Variants in PGM5 observed in about 807,000 individuals in gnomAD.
PGM5 encodes phosphoglucomutase 5, also known as phosphoglucomutase-like protein 5.
In PGM5, 23 loss-of-function variants were observed where a neutral mutation model predicts 59.2. That is an observed-to-expected ratio of 0.39 (90% CI 0.28 to 0.55). PGM5 has a LOEUF of 0.55. PGM5 is among the 20% of genes least tolerant of loss of function. The pLI, the probability that PGM5 is intolerant of heterozygous loss-of-function variation, is 0.66. For synonymous variants in PGM5, 214 were observed against 286.0 expected (o/e 0.75, Z 2.54); for missense variants, 574 against 748.3 (o/e 0.77, Z 2.72).
chr9:68,416,815 A>C (rs418315), intron 6 of PGM5, among the ~76,000 whole-genome samples: 3 of 152,234 alleles, frequency 2.0e-5, no homozygotes, highest in Non-Finnish European at 4.4e-5. Flanking sequence ...CAAAGAGGTG[A>C]TTCTAGCTTT....
chr9:68,357,513 C>A (rs1302726605), intron 1 of PGM5, 125 bp downstream of exon 1: 1 of 1,488,568 alleles, frequency 6.7e-7, no homozygotes, highest in Non-Finnish European at 8.9e-7. Context: ...TGCTACCTCA[C>A]TCCCGCGTCC....
chr9:68,527,434 C>T (rs961937192), intron 10 of PGM5, among the ~76,000 whole-genome samples: 2 of 151,884 alleles, frequency 1.3e-5, no homozygotes, highest in Admixed American at 1.3e-4. Flanking sequence ...AATTACATAA[C>T]CAAAAAGGGG....
intron 7 of PGM5, among the ~76,000 whole-genome samples, chr9:68,474,394 C>A: frequency 6.6e-6 from 1 of 152,022 alleles, no homozygotes; most frequent in African/African-American, 2.4e-5. Context: ...ACTGGTGTTT[C>A]CATGTGAAGA....
At chr9:68,453,050 C>T (rs1024586239) in intron 6 of PGM5, among the ~76,000 whole-genome samples, 12 of 152,282 alleles carry the variant, frequency 7.9e-5, no homozygotes, top group South Asian at 2.1e-4. Context: ...AGCATTTTCC[C>T]ATGTGTGCTG....
intron 10 of PGM5, among the ~76,000 whole-genome samples, chr9:68,520,566 C>T (rs953116618): frequency 3.9e-5 from 6 of 151,958 alleles, no homozygotes; most frequent in Admixed American, 6.6e-5. Context: ...ACAGGGGACA[C>T]GTATAAAAAT....
intron 9 of PGM5, among the ~76,000 whole-genome samples, chr9:68,491,547 T>C (rs1285109920): frequency 6.6e-6 from 1 of 152,212 alleles, no homozygotes; most frequent in Admixed American, 6.5e-5. Flanking sequence ...ATAAAGACAG[T>C]CGGGCTCTGT....
At chr9:68,509,101 G>A (rs1824704102) in intron 10 of PGM5, among the ~76,000 whole-genome samples, 2 of 152,128 alleles carry the variant, frequency 1.3e-5, no homozygotes. Context: ...AGCTGTTAAG[G>A]GGAGAATGTG....
At chr9:68,366,932 C>A (rs1834690425) in intron 1 of PGM5, among the ~76,000 whole-genome samples, 1 of 152,148 alleles carries the variant, frequency 6.6e-6, no homozygotes. Flanking sequence ...GTCCCAGTAG[C>A]TTTACTAACC....
intron 10 of PGM5, among the ~76,000 whole-genome samples, chr9:68,512,371 G>T (rs1824763611): frequency 6.6e-6 from 1 of 152,230 alleles, no homozygotes; most frequent in Admixed American, 6.5e-5. Flanking sequence ...TTTGCTAGCT[G>T]TATTAGTTTG....
At chr9:68,432,196 T>A (rs1277139352) in intron 6 of PGM5, among the ~76,000 whole-genome samples, 1 of 151,864 alleles carries the variant, frequency 6.6e-6, no homozygotes, top group African/African-American at 2.4e-5. Context: ...TATTTGTTTT[T>A]ATTTTTTAAT....
At chr9:68,466,169 C>A (rs570751047) in intron 7 of PGM5, 2 of 1,300,004 alleles carry the variant, frequency 1.5e-6, no homozygotes, top group Non-Finnish European at 2.0e-6. Context: ...CAGTTTAGAT[C>A]GTCTCTATTG....
intron 2 of PGM5, among the ~76,000 whole-genome samples, chr9:68,383,065 G>A (rs1822117142): frequency 6.6e-6 from 1 of 151,740 alleles, no homozygotes; most frequent in Non-Finnish European, 1.5e-5. Flanking sequence ...GTGAAGAAAA[G>A]GGCTATGTTT....
Position 68,529,748 on chromosome 9 carries a change from G to C in PGM5, c.*92G>C. ...CTTGCTACCTGTTTGTGCCTCTTAT[G>C]ACTTTGGAAAAACAAAAGATATTTT... On this transcript the variant is annotated 3_prime_UTR_variant, in exon 11 of 11. Transcript: ENST00000396396. 1.8e-6 allele frequency: 1 copy of C among 545,774 alleles called. No individual in the cohort carries two copies. The allele number at this position is 545,774 out of a possible 1,614,324, so 33.8% of individuals were successfully genotyped here. A position where few individuals can be genotyped will look rare whatever the true frequency, so the allele number is the denominator to read the frequency against.
At chr9:68,366,008 A>C (rs1245965210) in intron 1 of PGM5, among the ~76,000 whole-genome samples, 1 of 152,218 alleles carries the variant, frequency 6.6e-6, no homozygotes, top group African/African-American at 2.4e-5. Flanking sequence ...AGAAATATAA[A>C]TTAAAACAAT....
At position 68,384,376 on chromosome 9, in the gene PGM5, A is replaced by G. The variant is rs782286550; in HGVS notation, c.425-22A>G. 10 of 1,576,184 alleles carry G rather than the reference A, an allele frequency of 6.3e-6. No individual in the cohort carries two copies. In the Admixed American group the frequency reaches 1.2e-4, roughly 19 times the overall value. On this transcript the variant is annotated intron_variant, in intron 2 of 10. Transcript: ENST00000396396. ...ACTCACGAGACTTTCAAAAACATGT[A>G]TTTTTGGTGTTCACATTTTAGGTCC...
chr9:68,520,159 A>T (rs1048938747), intron 10 of PGM5, among the ~76,000 whole-genome samples: 3 of 151,432 alleles, frequency 2.0e-5, no homozygotes, highest in Admixed American at 2.0e-4. Context: ...AATACAGAAA[A>T]TTTGAAAGTT....
intron 6 of PGM5, among the ~76,000 whole-genome samples, chr9:68,455,991 T>A (rs568177002): frequency 1.4e-4 from 22 of 152,366 alleles, no homozygotes; most frequent in African/African-American, 4.6e-4. Flanking sequence ...AACTACAGCT[T>A]GTCTAGTGCC....
chr9:68,357,848 T>C (rs1344414936), intron 1 of PGM5: 4 of 215,038 alleles, frequency 1.9e-5, no homozygotes, highest in African/African-American at 9.5e-5. Flanking sequence ...CCGTGCCCTT[T>C]TTGCAATAAT....
chr9:68,496,049 T>A (rs1444780221), intron 9 of PGM5, among the ~76,000 whole-genome samples: 1 of 152,158 alleles, frequency 6.6e-6, no homozygotes. Flanking sequence ...GTACAACTTG[T>A]TTCATAAAAG....
Sources: gnomAD v4.1 joint callset for allele counts (sites outside exome capture counted in the v4.1 genomes callset) on GRCh38, gnomAD v4.1.1 for gene constraint, MANE v1.5 for transcripts, NCBI Gene and HGNC (gene_info 2026-07-23, HGNC 2026-07-21) for gene names.